SGCZ: variants seen among roughly 807,000 people sequenced by gnomAD.
The protein encoded by SGCZ is zeta-sarcoglycan.
SGCZ carries 40 observed loss-of-function variants against 41.3 expected under a neutral mutation model. The ratio of observed to expected loss-of-function variants is 0.97; its 90% CI spans 0.75 to 1.26. The LOEUF (loss-of-function observed/expected upper bound fraction) is 1.26. Ranked by LOEUF, SGCZ falls within the 50% of genes most tolerant of loss-of-function variation. SGCZ has a pLI of 0.00. For synonymous variants in SGCZ, 206 were observed against 137.5 expected (o/e 1.50, Z -3.49); for missense variants, 552 against 369.8 (o/e 1.49, Z -4.04).
At chr8:14,243,162 A>G (rs77533350) in intron 3 of SGCZ, among the ~76,000 whole-genome samples, 4,865 of 152,324 alleles carry the variant, frequency 0.032, 89 homozygotes, top group African/African-American at 0.053. Context: ...GTATTCTGAA[A>G]GAACATCACT....
At chr8:15,034,432 A>G (rs1321326341) in intron 1 of SGCZ, among the ~76,000 whole-genome samples, 1 of 152,138 alleles carries the variant, frequency 6.6e-6, no homozygotes, top group Non-Finnish European at 1.5e-5. Context: ...AAAAAGAATA[A>G]CAAGGAATAA....
chr8:14,161,075 C>G (rs2038145930), intron 5 of SGCZ, among the ~76,000 whole-genome samples: 1 of 152,156 alleles, frequency 6.6e-6, no homozygotes, highest in Non-Finnish European at 1.5e-5. Context: ...CTTTGAAGTC[C>G]TGTCAGCACA....
intron 1 of SGCZ, among the ~76,000 whole-genome samples, chr8:14,671,559 C>A (rs1416519060): frequency 2.0e-5 from 3 of 152,124 alleles, no homozygotes; most frequent in Non-Finnish European, 4.4e-5. Context: ...CTCTGTACTG[C>A]AAACTTTACT....
intron 1 of SGCZ, among the ~76,000 whole-genome samples, chr8:15,212,881 T>G (rs944933193): frequency 6.6e-6 from 1 of 152,082 alleles, no homozygotes; most frequent in Admixed American, 6.5e-5. Flanking sequence ...AGTATTAACC[T>G]TCTATCTTTG....
chr8:15,089,035 C>T (rs1173991986), intron 1 of SGCZ, among the ~76,000 whole-genome samples: 1 of 152,092 alleles, frequency 6.6e-6, no homozygotes, highest in Admixed American at 6.6e-5. Context: ...TATTAATGAG[C>T]AACACATTTT....
chr8:14,253,878 C>G (rs5005958), intron 3 of SGCZ, among the ~76,000 whole-genome samples: 7 of 151,860 alleles, frequency 4.6e-5, no homozygotes, highest in Non-Finnish European at 1.0e-4. Context: ...GGAGAAATAA[C>G]CATAGGACTT....
chr8:15,006,560 C>G (rs1444803153), intron 1 of SGCZ, among the ~76,000 whole-genome samples: 1 of 152,150 alleles, frequency 6.6e-6, no homozygotes, highest in Non-Finnish European at 1.5e-5. Context: ...AAATATAGTT[C>G]ATAATTAACC....
rs561077437 is a variant in SGCZ at position 14,898,498 on chromosome 8, T to C, written c.39+339087A>G. Among the ~76,000 whole-genome samples, 3 of 152,284 alleles carry C rather than the reference T, an allele frequency of 2.0e-5. No homozygotes were observed. The South Asian group carries it at 6.2e-4, about 32-fold the overall frequency. Reference sequence around the variant, plus strand: ...GAAGATATTGGGCCAGGGACTGATATGGTTAGGTTGTGTTCTTAAAATATT... The same window carrying C: ...GAAGATATTGGGCCAGGGACTGATACGGTTAGGTTGTGTTCTTAAAATATT... On this transcript the variant is annotated intron_variant, in intron 1 of 7. Transcript: ENST00000382080.
At chr8:14,383,776 A>T (rs17119221) in intron 2 of SGCZ, among the ~76,000 whole-genome samples, 4,560 of 152,248 alleles carry the variant, frequency 0.03, 109 homozygotes, top group East Asian at 0.099. Flanking sequence ...AGGTTGTAAG[A>T]TCAGGGACTG....
chr8:14,278,952 A>G (rs541881431), intron 3 of SGCZ, among the ~76,000 whole-genome samples: 1 of 152,292 alleles, frequency 6.6e-6, no homozygotes, highest in East Asian at 1.9e-4. Context: ...AAGGCCATGT[A>G]TCTCTCTGAA....
At chr8:14,487,698 G>A (rs958153189) in intron 2 of SGCZ, 3 of 152,188 alleles carry the variant, frequency 2.0e-5, no homozygotes, top group African/African-American at 7.2e-5. Context: ...GGTGCCTGAG[G>A]GAATTAGTAA....
chr8:15,196,082 A>T (rs965149276), intron 1 of SGCZ, among the ~76,000 whole-genome samples: 2 of 147,304 alleles, frequency 1.4e-5, no homozygotes, highest in African/African-American at 5.1e-5. Flanking sequence ...TATTTTTAGT[A>T]GAGACGGGGT....
At chr8:14,309,252 A>G in intron 3 of SGCZ, 1 of 1,528,454 alleles carries the variant, frequency 6.5e-7, no homozygotes, top group Non-Finnish European at 9.0e-7. Context: ...CTGTACAACC[A>G]TATCCAGTTG....
intron 1 of SGCZ, among the ~76,000 whole-genome samples, chr8:14,649,670 T>G (rs1807333610): frequency 6.6e-6 from 1 of 152,102 alleles, no homozygotes; most frequent in Non-Finnish European, 1.5e-5. Context: ...AACACAAGCC[T>G]AATTGCTAAA....
chr8:15,083,178 G>C (rs1256222446), intron 1 of SGCZ, among the ~76,000 whole-genome samples: 9 of 152,162 alleles, frequency 5.9e-5, no homozygotes, highest in Admixed American at 5.9e-4. Context: ...ATGAAACTAA[G>C]AGACCTACAG....
intron 2 of SGCZ, among the ~76,000 whole-genome samples, chr8:14,547,807 C>T (rs1026953321): frequency 3.3e-5 from 5 of 152,160 alleles, no homozygotes; most frequent in African/African-American, 7.2e-5. Flanking sequence ...CTCCAAAGCT[C>T]GGGTCCAAAA....
chr8:14,610,061 A>T (rs965889506), intron 1 of SGCZ, among the ~76,000 whole-genome samples: 7 of 152,192 alleles, frequency 4.6e-5, no homozygotes, highest in Admixed American at 2.0e-4. Context: ...TTGGGGGTTT[A>T]AAAAATTTAA....
At chr8:14,392,175 A>C (rs2117220277) in intron 2 of SGCZ, among the ~76,000 whole-genome samples, 1 of 152,314 alleles carries the variant, frequency 6.6e-6, no homozygotes, top group South Asian at 2.1e-4. Context: ...TTAATTCAAT[A>C]ATAGCTACAC....
chr8:14,142,215 T>G (rs1803393163), intron 5 of SGCZ, among the ~76,000 whole-genome samples: 2 of 152,026 alleles, frequency 1.3e-5, no homozygotes, highest in East Asian at 1.9e-4. Context: ...GTGCCTAATG[T>G]AAATGACGAG....
Sources: allele counts gnomAD v4.1 joint callset (sites outside exome capture counted in the v4.1 genomes callset), GRCh38; gene constraint gnomAD v4.1.1; transcripts MANE v1.5; gene names NCBI Gene and HGNC (gene_info 2026-07-23, HGNC 2026-07-21).